The following MAGI1 variants were observed in gnomAD, a reference collection of about 807,000 sequenced individuals.
The protein encoded by MAGI1 is membrane-associated guanylate kinase, WW and PDZ domain-containing protein 1.
MAGI1 carries 58 observed loss-of-function variants against 139.9 expected under a neutral mutation model. The observed-to-expected ratio is 0.41, with a 90% CI of 0.34 to 0.52. The LOEUF is 0.52. MAGI1 is among the 20% of genes least tolerant of loss of function. MAGI1 has a pLI of 0.12. For synonymous variants in MAGI1, 812 were observed against 737.9 expected, an observed-to-expected ratio of 1.10 and a Z score of -1.63; for missense variants, 1,874 against 1,901.6, an observed-to-expected ratio of 0.99 and a Z score of 0.27.
chr3:65,673,856 C>T (rs2087011945), intron 1 of MAGI1, among the ~76,000 whole-genome samples: 1 of 152,196 alleles, frequency 6.6e-6, no homozygotes, highest in African/African-American at 2.4e-5. Context: ...AAAAGCTTAT[C>T]TACTCAAGTT....
At chr3:65,807,990 C>T (rs1263135358) in intron 1 of MAGI1, among the ~76,000 whole-genome samples, 1 of 150,136 alleles carries the variant, frequency 6.7e-6, no homozygotes, top group Admixed American at 6.6e-5. Flanking sequence ...CTAAGTTCGG[C>T]GGATCACTTG....
At chr3:65,875,785 C>T (rs1161727356) in intron 1 of MAGI1, among the ~76,000 whole-genome samples, 1 of 152,192 alleles carries the variant, frequency 6.6e-6, no homozygotes, top group African/African-American at 2.4e-5. Context: ...CTAGTACTGA[C>T]TGAGCTCTTA....
chr3:65,911,538 T>G (rs1354367091), intron 1 of MAGI1, among the ~76,000 whole-genome samples: 1 of 152,112 alleles, frequency 6.6e-6, no homozygotes, highest in African/African-American at 2.4e-5. Flanking sequence ...CAGGGTAGAT[T>G]TTTTTTGCAC....
chr3:65,662,391 G>A (rs1036469322), intron 1 of MAGI1, among the ~76,000 whole-genome samples: 6 of 152,270 alleles, frequency 3.9e-5, no homozygotes, highest in East Asian at 3.9e-4. Flanking sequence ...CAGACCATAC[G>A]GTCTCTGTAG....
At chr3:65,692,941 T>C (rs1559792725) in intron 1 of MAGI1, among the ~76,000 whole-genome samples, 3 of 152,086 alleles carry the variant, frequency 2.0e-5, no homozygotes, top group Non-Finnish European at 2.9e-5. Context: ...AGACAGGGTC[T>C]CAACAGAGCA....
At chr3:65,975,782 C>T (rs1343509045) in intron 1 of MAGI1, among the ~76,000 whole-genome samples, 1 of 152,142 alleles carries the variant, frequency 6.6e-6, no homozygotes, top group Non-Finnish European at 1.5e-5. Context: ...TCATAACTGA[C>T]AGCTGTTGAC....
At position 65,361,238 on chromosome 3, in the gene MAGI1, G is replaced by A; in HGVS notation, c.3595C>T (p.Leu1199=). The A allele has an allele frequency of 6.2e-7, 1 of 1,614,162 alleles. No individual in the cohort carries two copies. ...LIKNGGRRVR[L]FLKRGDGSVP... ...GAGCCGTCTCCCCGCTTCAGAAACA[G>A]ACGAACTCTGCGGCCACCATTCTTA... The change falls in exon 22 of 23, where the codon CTG becomes TTG. Residue 1199 remains leucine (L), a synonymous_variant. Transcript: ENST00000402939.
At chr3:65,504,165 G>C (rs2077188571) in intron 2 of MAGI1, among the ~76,000 whole-genome samples, 1 of 152,166 alleles carries the variant, frequency 6.6e-6, no homozygotes, top group South Asian at 2.1e-4. Flanking sequence ...GACTACCTTG[G>C]AACATTCCCT....
chr3:65,777,442 A>G (rs979492367), intron 1 of MAGI1, among the ~76,000 whole-genome samples: 1 of 152,208 alleles, frequency 6.6e-6, no homozygotes, highest in African/African-American at 2.4e-5. Flanking sequence ...ACTAAAATAA[A>G]GGGACTATAT....
At chr3:65,920,095 C>A (rs532425759) in intron 1 of MAGI1, among the ~76,000 whole-genome samples, 69 of 152,300 alleles carry the variant, frequency 4.5e-4, no homozygotes, top group African/African-American at 1.5e-3. Context: ...GGCAGCCACA[C>A]TTATTTTAGG....
At chr3:65,974,329 G>T (rs544569409) in intron 1 of MAGI1, among the ~76,000 whole-genome samples, 1 of 146,284 alleles carries the variant, frequency 6.8e-6, no homozygotes, top group African/African-American at 2.5e-5. Context: ...AGAGTGGGAG[G>T]GAAGAAGGGA....
At chr3:65,810,953 T>C (rs2643723) in intron 1 of MAGI1, among the ~76,000 whole-genome samples, 64,631 of 152,058 alleles carry the variant, frequency 0.43, 14,508 homozygotes, top group East Asian at 0.88. Context: ...AGGTACTTAA[T>C]ACATGTTTGT....
At chr3:65,752,726 G>A (rs893871170) in intron 1 of MAGI1, among the ~76,000 whole-genome samples, 1 of 152,124 alleles carries the variant, frequency 6.6e-6, no homozygotes, top group Non-Finnish European at 1.5e-5. Flanking sequence ...CCCCTGTCCT[G>A]TCTTTGGCTG....
chr3:65,752,632 T>C (rs1304860644), intron 1 of MAGI1, among the ~76,000 whole-genome samples: 2 of 152,230 alleles, frequency 1.3e-5, no homozygotes, highest in East Asian at 3.9e-4. Context: ...AAGGCCTTGA[T>C]GTGTGTTCAC....
At chr3:65,665,226 G>A (rs2086437197) in intron 1 of MAGI1, among the ~76,000 whole-genome samples, 1 of 152,176 alleles carries the variant, frequency 6.6e-6, no homozygotes, top group Non-Finnish European at 1.5e-5. Context: ...TCAGGCATGA[G>A]TTACAGGGCT....
chr3:65,576,838 C>T (rs887665658), intron 2 of MAGI1, among the ~76,000 whole-genome samples: 1 of 152,118 alleles, frequency 6.6e-6, no homozygotes, highest in Non-Finnish European at 1.5e-5. Flanking sequence ...ACTTTTCTTA[C>T]CTGTAAATTG....
rs1350712440 is a variant in MAGI1 at position 65,530,838 on chromosome 3, T to TACAC, written c.431-37211_431-37208dup. Among the ~76,000 whole-genome samples, 113 of 94,552 alleles carry TACAC rather than the reference T, an allele frequency of 1.2e-3. 3 individuals carry two copies. The highest frequency in any genetic ancestry group is 3.6e-3 in the South Asian group (11 of 3,022). 62.0% of individuals were successfully genotyped at this position (94,552 alleles called of 152,430 possible). A position where few individuals can be genotyped will look rare whatever the true frequency, so the allele number is the denominator to read the frequency against. ...ATATATACACGTATATATATATATATACACACACACACACACATATATATA... is the reference window on the plus strand; with the variant it reads ...ATATATACACGTATATATATATATATACACACACACACACACACACATATATATA... On this transcript the variant is annotated intron_variant, in intron 2 of 22. Coordinates refer to ENST00000402939, the MANE Select transcript of MAGI1 (RefSeq NM_001033057.2).
intron 1 of MAGI1, among the ~76,000 whole-genome samples, chr3:65,933,741 G>A (rs995246135): frequency 3.3e-5 from 5 of 152,134 alleles, no homozygotes; most frequent in Non-Finnish European, 7.4e-5. Context: ...AGTATTCGGA[G>A]TAAAAGAAGA....
chr3:65,816,368 C>G (rs1239361402), intron 1 of MAGI1, among the ~76,000 whole-genome samples: 1 of 152,018 alleles, frequency 6.6e-6, no homozygotes, highest in Non-Finnish European at 1.5e-5. Flanking sequence ...GCTACTGTGA[C>G]TAAGGAGATG....
Sources: gnomAD v4.1 joint callset for allele counts (sites outside exome capture counted in the v4.1 genomes callset) on GRCh38, gnomAD v4.1.1 for gene constraint, MANE v1.5 for transcripts, NCBI Gene and HGNC (gene_info 2026-07-23, HGNC 2026-07-21) for gene names.